The following ARHGAP15 variants were observed in gnomAD, a reference collection of about 807,000 sequenced individuals.
The protein encoded by ARHGAP15 is Rho GTPase activating protein 15, also known as rho GTPase-activating protein 15.
ARHGAP15 carries 51 observed loss-of-function variants against 63.7 expected under a neutral mutation model. The ratio of observed to expected loss-of-function variants is 0.80; its 90% CI spans 0.64 to 1.01. The LOEUF is 1.01. Among genes scored for constraint, ARHGAP15 ranks in the 50% least tolerant of loss-of-function variants. ARHGAP15 has a pLI of 0.00. For missense variants in ARHGAP15, 560 were observed against 564.6 expected, an observed-to-expected ratio of 0.99 and a Z score of 0.08; for synonymous variants, 191 against 193.8, an observed-to-expected ratio of 0.99 and a Z score of 0.12.
At chr2:143,385,694 T>A (rs1687257159) in intron 6 of ARHGAP15, among the ~76,000 whole-genome samples, 1 of 152,156 alleles carries the variant, frequency 6.6e-6, no homozygotes, top group Non-Finnish European at 1.5e-5. Context: ...GATATCAAGC[T>A]AGTAGGATGG....
intron 6 of ARHGAP15, among the ~76,000 whole-genome samples, chr2:143,384,865 G>T (rs766312845): frequency 2.0e-5 from 3 of 152,096 alleles, no homozygotes; most frequent in Admixed American, 6.6e-5. Flanking sequence ...ATGGGGGTTG[G>T]GGGGAGGAAA....
chr2:143,627,465 T>TG (rs951193971), intron 12 of ARHGAP15, among the ~76,000 whole-genome samples: 61 of 152,164 alleles, frequency 4.0e-4, no homozygotes, highest in African/African-American at 1.4e-3. Flanking sequence ...CCTAGATCCT[T>TG]GGCAATGGTA....
At chr2:143,464,783 A>G (rs1358520142) in intron 8 of ARHGAP15, among the ~76,000 whole-genome samples, 2 of 152,044 alleles carry the variant, frequency 1.3e-5, no homozygotes, top group Admixed American at 1.3e-4. Flanking sequence ...TTTTGTCTTT[A>G]TCATAGGTAA....
intron 8 of ARHGAP15, among the ~76,000 whole-genome samples, chr2:143,466,058 T>A (rs1691191958): frequency 6.6e-6 from 1 of 152,108 alleles, no homozygotes; most frequent in African/African-American, 2.4e-5. Context: ...CCAAAATTTT[T>A]TTTTTTTATT....
At chr2:143,449,324 A>G (rs183553617) in intron 8 of ARHGAP15, among the ~76,000 whole-genome samples, 2 of 152,234 alleles carry the variant, frequency 1.3e-5, no homozygotes, top group Non-Finnish European at 2.9e-5. Context: ...TGGATAGCTC[A>G]ATGTGCAAAA....
chr2:143,346,606 G>C (rs941653518), intron 6 of ARHGAP15, among the ~76,000 whole-genome samples: 1 of 152,108 alleles, frequency 6.6e-6, no homozygotes, highest in Non-Finnish European at 1.5e-5. Context: ...CGACCAAAAT[G>C]TTGATGGATA....
intron 13 of ARHGAP15, among the ~76,000 whole-genome samples, chr2:143,751,494 C>T (rs1395185172): frequency 6.6e-6 from 1 of 152,158 alleles, no homozygotes; most frequent in Non-Finnish European, 1.5e-5. Context: ...ATTTGAGAAG[C>T]AGCTCCCCCA....
intron 6 of ARHGAP15, among the ~76,000 whole-genome samples, chr2:143,409,113 C>G (rs896171701): frequency 6.6e-6 from 1 of 151,860 alleles, no homozygotes; most frequent in Non-Finnish European, 1.5e-5. Flanking sequence ...AATATATTAC[C>G]TGGCTACCTA....
chr2:143,323,115 C>A (rs892356878), intron 6 of ARHGAP15, among the ~76,000 whole-genome samples: 1 of 152,258 alleles, frequency 6.6e-6, no homozygotes, highest in South Asian at 2.1e-4. Context: ...TGCCTCCTTG[C>A]ATAAATTGTT....
intron 6 of ARHGAP15, among the ~76,000 whole-genome samples, chr2:143,328,955 A>G (rs1327975892): frequency 2.0e-5 from 3 of 152,256 alleles, no homozygotes; most frequent in Non-Finnish European, 2.9e-5. Flanking sequence ...TCCCATAAAT[A>G]TACACACCTA....
chr2:143,252,619 G>T (rs147940960), intron 6 of ARHGAP15, among the ~76,000 whole-genome samples: 1 of 151,910 alleles, frequency 6.6e-6, no homozygotes, highest in African/African-American at 2.4e-5. Flanking sequence ...AAAGATTCAA[G>T]TTTCATGTTC....
intron 8 of ARHGAP15, among the ~76,000 whole-genome samples, chr2:143,445,572 TC>T (rs752621466): frequency 1.1e-4 from 16 of 151,810 alleles, no homozygotes; most frequent in Non-Finnish European, 1.9e-4. Flanking sequence ...CAGTTTTTTT[TC>T]ATCACTCCCT....
At chr2:143,680,685 G>A (rs568467292) in intron 12 of ARHGAP15, among the ~76,000 whole-genome samples, 1 of 152,188 alleles carries the variant, frequency 6.6e-6, no homozygotes, top group Non-Finnish European at 1.5e-5. Context: ...AGAGAGACAC[G>A]TTCTAGTTTT....
At chr2:143,302,141 G>A (rs1264667556) in intron 6 of ARHGAP15, among the ~76,000 whole-genome samples, 2 of 151,912 alleles carry the variant, frequency 1.3e-5, no homozygotes, top group South Asian at 2.1e-4. Flanking sequence ...CTTTTACATA[G>A]GCATGTTGAA....
At chr2:143,374,506 T>G (rs375362144) in intron 6 of ARHGAP15, among the ~76,000 whole-genome samples, 19 of 151,248 alleles carry the variant, frequency 1.3e-4, no homozygotes, top group East Asian at 5.8e-4. Flanking sequence ...TTTGGGGGGG[T>G]TTCTGTTTGC....
intron 8 of ARHGAP15, among the ~76,000 whole-genome samples, chr2:143,438,377 T>C (rs1291829754): frequency 3.3e-5 from 5 of 152,150 alleles, no homozygotes; most frequent in African/African-American, 9.7e-5. Flanking sequence ...CAAAGACTCA[T>C]ACACATATGA....
At chr2:143,384,430 C>T in intron 6 of ARHGAP15, among the ~76,000 whole-genome samples, 1 of 151,766 alleles carries the variant, frequency 6.6e-6, no homozygotes, top group South Asian at 2.1e-4. Context: ...TTTTTATATT[C>T]TATGATACCA....
chr2:143,608,190 A>G (rs1358100614), intron 11 of ARHGAP15: 1 of 152,176 alleles, frequency 6.6e-6, no homozygotes, highest in Admixed American at 6.6e-5. Flanking sequence ...AAAGATCCCA[A>G]CTCAAAGGAC....
rs1257709461 is a variant in ARHGAP15, at chr2:143,211,083, A to AT, written c.235-5295dup. ...TACAGATAAGCTGGAGTTTTAAGGT[A>AT]TTTTTTCTGTTTTTGATTCTGTTCT... On this transcript the variant is annotated intron_variant, in intron 3 of 13. Coordinates refer to ENST00000295095, the MANE Select transcript of ARHGAP15 (RefSeq NM_018460.4). Among the ~76,000 whole-genome samples the AT allele has an allele frequency of 3.3e-5, 5 of 152,024 alleles. No individual in the cohort carries two copies. In the East Asian group the frequency reaches 9.6e-4, roughly 29 times the overall value.
Sources: gnomAD v4.1 joint callset for allele counts (sites outside exome capture counted in the v4.1 genomes callset) on GRCh38, gnomAD v4.1.1 for gene constraint, MANE v1.5 for transcripts, NCBI Gene and HGNC (gene_info 2026-07-23, HGNC 2026-07-21) for gene names.